SRPK2: variants seen among roughly 807,000 people sequenced by gnomAD.
SRPK2 encodes the protein SFRS protein kinase 2.
SRPK2 carries 21 observed loss-of-function variants against 90.8 expected under a neutral mutation model. The observed-to-expected ratio is 0.23, with a 90% CI of 0.16 to 0.33. The LOEUF is 0.33. Ranked by LOEUF, SRPK2 falls within the 10% of genes least tolerant of loss-of-function variation. The pLI, the probability that SRPK2 is intolerant of heterozygous loss-of-function variation, is 1.00. For synonymous variants in SRPK2, 288 were observed against 311.1 expected (o/e 0.93, Z 0.78); for missense variants, 620 against 869.0 (o/e 0.71, Z 3.60).
chr7:105,202,376 C>T (rs1795672068), intron 3 of SRPK2, among the ~76,000 whole-genome samples: 1 of 152,042 alleles, frequency 6.6e-6, no homozygotes, highest in Admixed American at 6.6e-5. Flanking sequence ...TATTCTAATG[C>T]TATATAGAAT....
intron 2 of SRPK2, among the ~76,000 whole-genome samples, chr7:105,275,291 C>T (rs943384623): frequency 1.3e-5 from 2 of 152,154 alleles, no homozygotes; most frequent in African/African-American, 2.4e-5. Flanking sequence ...TTTTAAAATG[C>T]TATTTTCTTT....
At chr7:105,302,146 C>A in intron 2 of SRPK2, 3 of 1,166,870 alleles carry the variant, frequency 2.6e-6, no homozygotes, top group Non-Finnish European at 1.3e-6. Flanking sequence ...GGTTCAAAAT[C>A]TTTCATTACC....
intron 2 of SRPK2, among the ~76,000 whole-genome samples, chr7:105,316,863 G>A (rs1002537815): frequency 1.3e-5 from 2 of 152,150 alleles, no homozygotes; most frequent in Non-Finnish European, 2.9e-5. Context: ...TAACCCTCAA[G>A]ACCTGTTTAT....
At chr7:105,124,989 G>A (rs1311792758) in intron 15 of SRPK2, among the ~76,000 whole-genome samples, 1 of 151,906 alleles carries the variant, frequency 6.6e-6, no homozygotes, top group African/African-American at 2.4e-5. Context: ...AAAATTAGCT[G>A]GGCGTGGTGG....
intron 2 of SRPK2, among the ~76,000 whole-genome samples, chr7:105,287,594 G>C (rs1808342009): frequency 6.6e-6 from 1 of 151,984 alleles, no homozygotes; most frequent in Admixed American, 6.6e-5. Context: ...AAATTTGCCA[G>C]GTGTGGTGGC....
At chr7:105,228,356 C>T (rs1321074028) in intron 2 of SRPK2, among the ~76,000 whole-genome samples, 2 of 152,136 alleles carry the variant, frequency 1.3e-5, no homozygotes, top group East Asian at 3.8e-4. Flanking sequence ...AGCACATCAA[C>T]TCAACTTTCT....
chr7:105,344,022 C>T (rs1816151123), intron 2 of SRPK2, among the ~76,000 whole-genome samples: 1 of 152,170 alleles, frequency 6.6e-6, no homozygotes, highest in Admixed American at 6.5e-5. Flanking sequence ...ACTCAGCCTC[C>T]CAAAGTGCTG....
intron 2 of SRPK2, among the ~76,000 whole-genome samples, chr7:105,247,828 C>A (rs966623032): frequency 2.5e-4 from 38 of 151,308 alleles, no homozygotes; most frequent in African/African-American, 8.7e-4. Context: ...TCCCAAAGTA[C>A]TGGGATTATA....
At chr7:105,203,852 C>A in intron 2 of SRPK2, 67 bp from the exon 3 acceptor site, 1 of 1,528,184 alleles carries the variant, frequency 6.5e-7, no homozygotes, top group Non-Finnish European at 8.8e-7. Flanking sequence ...TGCATTTGAG[C>A]ACTTCTTAAT....
chr7:105,389,282 C>T (rs760338616), upstream of SRPK2: 48 of 1,277,790 alleles, frequency 3.8e-5, no homozygotes, highest in East Asian at 6.2e-5. Context: ...ATGCGCCCGT[C>T]CTTGGCCGGC....
intron 3 of SRPK2, among the ~76,000 whole-genome samples, chr7:105,190,427 T>C (rs1794133056): frequency 6.6e-6 from 1 of 152,210 alleles, no homozygotes; most frequent in African/African-American, 2.4e-5. Context: ...ACGTGTTCCT[T>C]TTCCTCTTGC....
At chr7:105,328,551 G>A (rs1383490870) in intron 2 of SRPK2, among the ~76,000 whole-genome samples, 1 of 95,408 alleles carries the variant, frequency 1.0e-5, no homozygotes, top group Non-Finnish European at 2.1e-5. Context: ...GACAGAGCCA[G>A]GCTCTGTCTC....
intron 2 of SRPK2, among the ~76,000 whole-genome samples, chr7:105,363,990 C>T (rs967370428): frequency 6.7e-6 from 1 of 150,298 alleles, no homozygotes; most frequent in Non-Finnish European, 1.5e-5. Context: ...ACAATGAGAA[C>T]ACATGGACAC....
rs573949941 is a variant in SRPK2 at position 105,181,523 on chromosome 7, C to T, written c.230-12258G>A. Among the ~76,000 whole-genome samples the T allele has an allele frequency of 4.5e-4, 68 of 152,272 alleles. 1 individual carries two copies. The South Asian group carries it at 0.01, about 23-fold the overall frequency. On this transcript the variant is annotated intron_variant, in intron 3 of 15. Transcript: ENST00000393651. ...CGTGGTACACATATACCATGGAATACTATGTAGCTATAAAAAAAGAACAAG... is the reference window on the plus strand; with the variant it reads ...CGTGGTACACATATACCATGGAATATTATGTAGCTATAAAAAAAGAACAAG...
At chr7:105,239,002 T>C (rs1482744791) in intron 2 of SRPK2, among the ~76,000 whole-genome samples, 1 of 152,144 alleles carries the variant, frequency 6.6e-6, no homozygotes, top group Non-Finnish European at 1.5e-5. Context: ...TATCATCCAA[T>C]ACACTTCTAA....
At chr7:105,238,698 C>T (rs766684977) in intron 2 of SRPK2, among the ~76,000 whole-genome samples, 62 of 152,304 alleles carry the variant, frequency 4.1e-4, no homozygotes, top group Admixed American at 2.2e-3. Context: ...CAAGCTTCAC[C>T]ATTACACAGT....
At chr7:105,211,095 T>G (rs1796797574) in intron 2 of SRPK2, among the ~76,000 whole-genome samples, 1 of 152,190 alleles carries the variant, frequency 6.6e-6, no homozygotes, top group Non-Finnish European at 1.5e-5. Flanking sequence ...CCTACAAAAC[T>G]GTGAGTTAAT....
intron 3 of SRPK2, among the ~76,000 whole-genome samples, chr7:105,175,573 T>C (rs979486477): frequency 2.0e-5 from 3 of 151,996 alleles, no homozygotes; most frequent in Non-Finnish European, 2.9e-5. Flanking sequence ...AGAAAATCAG[T>C]GAAAACAAAA....
intron 2 of SRPK2, among the ~76,000 whole-genome samples, chr7:105,328,121 C>T (rs1435940832): frequency 6.6e-6 from 1 of 152,194 alleles, no homozygotes; most frequent in Non-Finnish European, 1.5e-5. Context: ...GATTATCAGA[C>T]TTCCAGGGGA....
Sources: allele counts gnomAD v4.1 joint callset (sites outside exome capture counted in the v4.1 genomes callset), GRCh38; gene constraint gnomAD v4.1.1; transcripts MANE v1.5; gene names NCBI Gene and HGNC (gene_info 2026-07-23, HGNC 2026-07-21).